The following LRRC37A2 variants were observed in gnomAD, a reference collection of about 807,000 sequenced individuals.
LRRC37A2 encodes the protein leucine-rich repeat-containing protein 37A2.
In LRRC37A2, 9 loss-of-function variants were observed where a neutral mutation model predicts 68.8. The observed-to-expected ratio is 0.13, with a 90% CI of 0.08 to 0.23. The LOEUF is 0.23. Among genes scored for constraint, LRRC37A2 ranks in the 10% least tolerant of loss-of-function variants. The pLI is 1.00. For missense variants in LRRC37A2, 168 were observed against 950.4 expected (o/e 0.18, Z 10.82); for synonymous variants, 63 against 367.6 (o/e 0.17, Z 9.48).
At chr17:46,869,961 T>C in the LRRC37A2 span, among the ~76,000 whole-genome samples, 246 of 151,986 alleles carry the variant, frequency 1.6e-3, 1 homozygote, top group African/African-American at 5.8e-3. Context: ...ATCACACCAC[T>C]GCACTCTAGC....
At chr17:46,748,481 G>A in the LRRC37A2 span, among the ~76,000 whole-genome samples, 103 of 152,246 alleles carry the variant, frequency 6.8e-4, no homozygotes, top group Middle Eastern at 0.01. Context: ...TAGAATAAAG[G>A]TATTTCCAGA....
the LRRC37A2 span, among the ~76,000 whole-genome samples, chr17:46,759,726 T>G: frequency 2.0e-5 from 3 of 152,210 alleles, no homozygotes; most frequent in Non-Finnish European, 4.4e-5. Flanking sequence ...TCCTTGCTTT[T>G]CTTTTTCCCT....
the LRRC37A2 span, chr17:46,935,392 T>C: frequency 7.0e-7 from 1 of 1,436,134 alleles, no homozygotes; most frequent in South Asian, 1.5e-5. Context: ...TGAAGTGGCC[T>C]CTCTTAGGAT....
At chr17:46,961,211 C>G in the LRRC37A2 span, among the ~76,000 whole-genome samples, 1 of 151,986 alleles carries the variant, frequency 6.6e-6, no homozygotes, top group Non-Finnish European at 1.5e-5. Context: ...ACTAAAAAAA[C>G]AGAAATAATA....
chr17:46,931,668 C>T, the LRRC37A2 span: 6 of 321,244 alleles, frequency 1.9e-5, no homozygotes, highest in East Asian at 1.6e-4. Flanking sequence ...CCACCCCCAG[C>T]GCCTGTTTCC....
At chr17:46,720,368 G>T in the LRRC37A2 span, among the ~76,000 whole-genome samples, 1 of 152,062 alleles carries the variant, frequency 6.6e-6, no homozygotes, top group African/African-American at 2.4e-5. Flanking sequence ...CAGACCTTGT[G>T]ACTTTTTATA....
chr17:46,764,433 A>C, the LRRC37A2 span: 17 of 152,658 alleles, frequency 1.1e-4, no homozygotes, highest in African/African-American at 3.8e-4. Flanking sequence ...TAGGGTGAGA[A>C]ATGTAAGATG....
chr17:46,857,091 A>C, the LRRC37A2 span, among the ~76,000 whole-genome samples: 2 of 152,200 alleles, frequency 1.3e-5, no homozygotes, highest in Admixed American at 6.5e-5. Flanking sequence ...TGAATATAGC[A>C]ATAGCGAATT....
the LRRC37A2 span, among the ~76,000 whole-genome samples, chr17:46,456,348 CCAGGCTGGTTT>C: frequency 5.0e-5 from 2 of 40,402 alleles, no homozygotes; most frequent in African/African-American, 2.0e-4. Context: ...AAAGTATTGC[CCAGGCTGGTTT>C]CATGCTCCTG....
At chr17:46,534,879 C>G (rs2054390192) in intron 6 of LRRC37A2, among the ~76,000 whole-genome samples, 1 of 149,764 alleles carries the variant, frequency 6.7e-6, no homozygotes, top group South Asian at 2.1e-4. Flanking sequence ...GGGCTCCTCA[C>G]TTCTCAGACG....
chr17:46,918,636 CACAT>C, the LRRC37A2 span, among the ~76,000 whole-genome samples: 11 of 139,152 alleles, frequency 7.9e-5, no homozygotes, highest in African/African-American at 1.9e-4. Context: ...CACACACACA[CACAT>C]ACAATTTCCC....
At chr17:46,851,602 G>T in the LRRC37A2 span, 1 of 1,192,220 alleles carries the variant, frequency 8.4e-7, no homozygotes, top group Non-Finnish European at 1.1e-6. The surrounding 1 kb of genome is among the most constrained non-coding windows in gnomAD (Gnocchi z 4.3). Flanking sequence ...CTTGAGCGGC[G>T]CGAGGAGATG....
the LRRC37A2 span, among the ~76,000 whole-genome samples, chr17:46,720,215 C>G: frequency 6.6e-6 from 1 of 152,142 alleles, no homozygotes; most frequent in African/African-American, 2.4e-5. Flanking sequence ...CATATATTAG[C>G]TGAGAGAAGT....
chr17:47,030,084 T>TC, the LRRC37A2 span, among the ~76,000 whole-genome samples: 3 of 42,214 alleles, frequency 7.1e-5, no homozygotes, highest in South Asian at 7.8e-4. Context: ...ATAATAATAA[T>TC]AATAATCATC....
chr17:46,860,402 A>T, the LRRC37A2 span, among the ~76,000 whole-genome samples: 2 of 152,130 alleles, frequency 1.3e-5, no homozygotes, highest in African/African-American at 4.8e-5. Flanking sequence ...CATGAGCAGG[A>T]TCGGACATGG....
At chr17:46,894,194 T>C in the LRRC37A2 span, among the ~76,000 whole-genome samples, 1 of 152,218 alleles carries the variant, frequency 6.6e-6, no homozygotes, top group African/African-American at 2.4e-5. Context: ...CTAGTCGCCC[T>C]GTTCCTTTAA....
the LRRC37A2 span, among the ~76,000 whole-genome samples, chr17:46,894,500 T>A: frequency 6.6e-6 from 1 of 152,244 alleles, no homozygotes; most frequent in African/African-American, 2.4e-5. Context: ...TAATTAGGCT[T>A]GCCCCGACCC....
chr17:46,935,430 A>G, the LRRC37A2 span: 1 of 1,419,674 alleles, frequency 7.0e-7, no homozygotes, highest in African/African-American at 1.4e-5. Flanking sequence ...TACTGAACTT[A>G]TCATGAAAGT....
the LRRC37A2 span, among the ~76,000 whole-genome samples, chr17:46,820,263 C>A: frequency 2.6e-5 from 4 of 152,288 alleles, no homozygotes; most frequent in South Asian, 6.2e-4. Context: ...GTCGGGAGAG[C>A]CGCCTGGGCT....
Sources: gnomAD v4.1 joint callset for allele counts (sites outside exome capture counted in the v4.1 genomes callset) on GRCh38, gnomAD v4.1.1 for gene constraint, Gnocchi (gnomAD v3.1) non-coding constraint, MANE v1.5 for transcripts, NCBI Gene and HGNC (gene_info 2026-07-23, HGNC 2026-07-21) for gene names.